The following RORA variants were observed in gnomAD, a reference collection of about 807,000 sequenced individuals.
RORA encodes the protein RAR related orphan receptor A.
Under a neutral mutation model 69.5 loss-of-function variants are expected in RORA, and 7 were observed. That is an observed-to-expected ratio of 0.10 (90% CI 0.06 to 0.19). The LOEUF is 0.19. Among genes scored for constraint, RORA ranks in the 10% least tolerant of loss-of-function variants. RORA has a pLI of 1.00. For synonymous variants in RORA, 261 were observed against 240.8 expected (o/e 1.08, Z -0.78); for missense variants, 457 against 663.0 (o/e 0.69, Z 3.41).
intron 1 of RORA, among the ~76,000 whole-genome samples, chr15:60,914,341 G>A (rs1482035837): frequency 6.6e-6 from 1 of 152,150 alleles, no homozygotes; most frequent in Non-Finnish European, 1.5e-5. Flanking sequence ...CAGGCTCCTA[G>A]CCACAGAGAA....
chr15:60,743,673 C>T (rs2071608849), intron 1 of RORA, among the ~76,000 whole-genome samples: 2 of 152,226 alleles, frequency 1.3e-5, no homozygotes, highest in African/African-American at 4.8e-5. Context: ...ATCTGCCAAT[C>T]TCTCTGCCCA....
intron 1 of RORA, among the ~76,000 whole-genome samples, chr15:60,727,313 G>A (rs1317262833): frequency 2.0e-5 from 3 of 151,986 alleles, no homozygotes; most frequent in Non-Finnish European, 1.5e-5. Flanking sequence ...AATATCCCAC[G>A]GTTGCAAAAC....
At position 60,797,101 on chromosome 15, in the gene RORA, G is replaced by T. The variant is rs570891995; in HGVS notation, c.167-118415C>A. Among the ~76,000 whole-genome samples, 279 of 149,026 alleles carry T rather than the reference G, an allele frequency of 1.9e-3. 2 individuals carry two copies. Among genetic ancestry groups the T allele is most frequent in the African/African-American group, 6.7e-3 (273 of 40,674 alleles). ...ATTATTATTATTATTTCTGCACAGA[G>T]GCAGAAAGCAGATTAGTGGTTGCCA... On this transcript the variant is annotated intron_variant, in intron 1 of 10. Transcript: ENST00000335670.
At chr15:61,023,187 C>CAAAAAAAAAAAAA (rs35185635) in intron 1 of RORA, among the ~76,000 whole-genome samples, 1 of 75,672 alleles carries the variant, frequency 1.3e-5, no homozygotes, top group African/African-American at 5.5e-5. Flanking sequence ...GACTCTGCCT[C>CAAAAAAAAAAAAA]AAAAAAAAAA....
chr15:61,120,230 T>G (rs751957638), intron 1 of RORA, among the ~76,000 whole-genome samples: 3 of 152,072 alleles, frequency 2.0e-5, no homozygotes, highest in South Asian at 2.1e-4. Flanking sequence ...TACTTAAGAT[T>G]TGCATCCTTT....
intron 1 of RORA, among the ~76,000 whole-genome samples, chr15:61,030,581 G>A (rs189671091): frequency 2.0e-3 from 302 of 152,278 alleles, no homozygotes; most frequent in Middle Eastern, 0.01. Flanking sequence ...AGTTTGAGAA[G>A]AAATTTAAAA....
At chr15:61,180,337 T>C (rs889143547) in intron 1 of RORA, among the ~76,000 whole-genome samples, 10 of 152,170 alleles carry the variant, frequency 6.6e-5, no homozygotes, top group African/African-American at 2.4e-4. Context: ...AAATAATATC[T>C]TCTACGAATT....
chr15:61,121,079 A>G (rs2140816244), intron 1 of RORA, among the ~76,000 whole-genome samples: 1 of 151,860 alleles, frequency 6.6e-6, no homozygotes, highest in East Asian at 2.0e-4. Flanking sequence ...CAAACTCCTG[A>G]CCTCAGGTGA....
intron 1 of RORA, among the ~76,000 whole-genome samples, chr15:60,960,595 T>C (rs547142875): frequency 7.1e-4 from 108 of 152,204 alleles, no homozygotes; most frequent in African/African-American, 2.5e-3. Flanking sequence ...ACACACCAGT[T>C]TCTCCTTAAA....
At chr15:60,932,448 A>G (rs1458724349) in intron 1 of RORA, among the ~76,000 whole-genome samples, 2 of 152,186 alleles carry the variant, frequency 1.3e-5, no homozygotes, top group African/African-American at 4.8e-5. Flanking sequence ...TCTCCCTAAG[A>G]TCAAATAAGT....
At chr15:61,039,744 C>CA (rs5813062) in intron 1 of RORA, among the ~76,000 whole-genome samples, 12,654 of 82,490 alleles carry the variant, frequency 0.15, 1,165 homozygotes, top group Middle Eastern at 0.26. Context: ...GACTCTGTCT[C>CA]AAAAAAAAAA....
At chr15:60,642,908 G>A (rs960283422) in intron 2 of RORA, among the ~76,000 whole-genome samples, 2 of 152,040 alleles carry the variant, frequency 1.3e-5, no homozygotes, top group African/African-American at 4.8e-5. Flanking sequence ...CCCGGTGGCA[G>A]CCATTTGGGA....
intron 2 of RORA, among the ~76,000 whole-genome samples, chr15:60,542,445 A>ACATGCACACCTCACACG (rs1567072882): frequency 7.0e-6 from 1 of 142,022 alleles, no homozygotes; most frequent in African/African-American, 3.1e-5. Context: ...CTCACAGCAC[A>ACATGCACACCTCACACG]GCACACAGGC....
chr15:60,542,015 T>C (rs2066887198), intron 2 of RORA, among the ~76,000 whole-genome samples: 1 of 152,236 alleles, frequency 6.6e-6, no homozygotes, highest in South Asian at 2.1e-4. Flanking sequence ...AGCTATCCAC[T>C]GTTTGGCAAT....
chr15:60,517,673 C>A (rs1040593636), intron 3 of RORA, among the ~76,000 whole-genome samples: 1 of 152,184 alleles, frequency 6.6e-6, no homozygotes, highest in African/African-American at 2.4e-5. Context: ...TCTGTCCAAG[C>A]TGAAAGGTGT....
At position 60,511,175 on chromosome 15, in the gene RORA, A is replaced by C. The variant is rs770795575; in HGVS notation, c.820+51T>G. The C allele has an allele frequency of 3.2e-6, 5 of 1,546,466 alleles. No homozygotes were observed. The highest frequency in any genetic ancestry group is 4.4e-6 in the Non-Finnish European group (5 of 1,143,048). On this transcript the variant is annotated intron_variant, in intron 5 of 10. Coordinates refer to ENST00000335670, the MANE Select transcript of RORA (RefSeq NM_134261.3). This position sits in a 1 kb window ranked among gnomAD's most constrained non-coding sequence, Gnocchi z 6.4. ...GAGGAAAGTCAGACATACCCCTTTT[A>C]CTTCAAAGGGCATGAATAGAGCATC...
chr15:61,111,188 C>T (rs1363685320), intron 1 of RORA, among the ~76,000 whole-genome samples: 1 of 152,170 alleles, frequency 6.6e-6, no homozygotes, highest in African/African-American at 2.4e-5. Flanking sequence ...GGAACAATAG[C>T]AGTATGTGAT....
chr15:60,722,774 T>C (rs1287660127), intron 1 of RORA, among the ~76,000 whole-genome samples: 4 of 152,210 alleles, frequency 2.6e-5, no homozygotes, highest in Non-Finnish European at 4.4e-5. Flanking sequence ...ACCACAACCT[T>C]GGCCAGTGGA....
At chr15:60,753,485 G>A (rs2071756570) in intron 1 of RORA, among the ~76,000 whole-genome samples, 1 of 152,164 alleles carries the variant, frequency 6.6e-6, no homozygotes, top group African/African-American at 2.4e-5. Context: ...GTGCTCTGAG[G>A]GCCTGCATGG....
Sources: allele counts gnomAD v4.1 joint callset (sites outside exome capture counted in the v4.1 genomes callset), GRCh38; gene constraint gnomAD v4.1.1; non-coding constraint Gnocchi (gnomAD v3.1); transcripts MANE v1.5; gene names NCBI Gene and HGNC (gene_info 2026-07-23, HGNC 2026-07-21).